Variants in POLR3E observed in about 807,000 individuals in gnomAD.
The protein encoded by POLR3E is DNA-directed RNA polymerase III subunit RPC5.
POLR3E carries 41 observed loss-of-function variants against 96.6 expected under a neutral mutation model. The ratio of observed to expected loss-of-function variants is 0.42; its 90% confidence interval spans 0.33 to 0.55. The LOEUF (loss-of-function observed/expected upper bound fraction) is 0.55. Among genes scored for constraint, POLR3E ranks in the 20% least tolerant of loss-of-function variants. The pLI, the probability that POLR3E is intolerant of heterozygous loss-of-function variation, is 0.06. For missense variants in POLR3E, 849 were observed against 952.1 expected (o/e 0.89, Z 1.43); for synonymous variants, 396 against 383.6 (o/e 1.03, Z -0.38).
intron 6 of POLR3E, among the ~76,000 whole-genome samples, chr16:22,311,162 T>G (rs2048237161): frequency 6.6e-6 from 1 of 152,162 alleles, no homozygotes; most frequent in East Asian, 1.9e-4. Context: ...GAGACAGGGT[T>G]TTTGCCATGT....
At chr16:22,302,874 C>A in intron 1 of POLR3E, 57 bp from the exon 2 acceptor site, 2 of 1,187,204 alleles carry the variant, frequency 1.7e-6, no homozygotes, top group Non-Finnish European at 2.5e-6. Flanking sequence ...GCAGAATAGG[C>A]ACAAGGAAAT....
At chr16:22,314,936 G>A in intron 8 of POLR3E, 153 bp from the exon 9 acceptor site, 1 of 732,660 alleles carries the variant, frequency 1.4e-6, no homozygotes, top group Non-Finnish European at 2.2e-6. Context: ...GAGGGACACG[G>A]TTGGAACGGA....
Position 22,315,154 on chromosome 16 carries a change from G to A in POLR3E, c.588G>A (p.Leu196=). Reference sequence around the variant, plus strand: ...GCCGTGTGCAGTCCTATGAGTTCCTGCAGAAGAAGCACGCAGAGGAGCCCT... The same window carrying A: ...GCCGTGTGCAGTCCTATGAGTTCCTACAGAAGAAGCACGCAGAGGAGCCCT... The part of the protein sequence containing the change: ...RQRRVQSYEF[L]QKKHAEEPWV... Residue 196 remains leucine (L), a synonymous_variant, in exon 9 of 21, where the codon CTG becomes CTA. Transcript: ENST00000299853. The A allele has an allele frequency of 1.9e-6, 3 of 1,611,640 alleles. No homozygotes were observed. The highest frequency in any genetic ancestry group is 2.2e-5 in the South Asian group (2 of 90,442).
rs796549881 is a variant in POLR3E, at chr16:22,323,540, C to T, written c.1068+609C>T. Among the ~76,000 whole-genome samples, 16 of 152,244 alleles carry T rather than the reference C, an allele frequency of 1.1e-4. No individual in the cohort carries two copies. In the South Asian group the frequency reaches 1.2e-3, roughly 12 times the overall value. On this transcript the variant is annotated intron_variant, in intron 14 of 20. Transcript: ENST00000299853. ...AGGAGCTGTCCCACACCCCTTGGCA[C>T]GCTGGTGTGCCGTCCCAGTCACAAG...
rs1210458110 is a variant in POLR3E, at chr16:22,318,207, C to T, written c.866-619C>T. 6.6e-6 allele frequency among the ~76,000 whole-genome samples: 1 copy of T among 152,220 alleles called. No individual in the cohort carries two copies. The highest frequency in any genetic ancestry group is 2.1e-4 in the South Asian group (1 of 4,820). ...CTCCCGGGTTCAAGCAATTCTCATG[C>T]CTCAGCCTCTGGAGTAGCTGGGACT... is the stretch of plus-strand genomic sequence containing the variant. On this transcript the variant is annotated intron_variant, in intron 12 of 20. Transcript: ENST00000299853. The surrounding 1 kb of genome is among the most constrained non-coding windows in gnomAD (Gnocchi z 5.0).
chr16:22,330,852 G>A (rs540715889), intron 19 of POLR3E, among the ~76,000 whole-genome samples: 1 of 152,154 alleles, frequency 6.6e-6, no homozygotes, highest in South Asian at 2.1e-4. Context: ...TCCTCTTAAT[G>A]TTTGCAGAAA....
At chr16:22,317,352 TGGAAAGATAACGCAGGAC>T in intron 12 of POLR3E, 146 bp downstream of exon 12, 1 of 652,594 alleles carries the variant, frequency 1.5e-6, no homozygotes, top group South Asian at 1.8e-5. Flanking sequence ...CATCCTTGTC[TGGAAAGATAACGCAGGAC>T]GGCAGTGCGG....
In POLR3E at chr16:22,334,668, G is replaced by A. The variant is rs2048813643; in HGVS notation, c.*968G>A. On this transcript the variant is annotated 3_prime_UTR_variant, in exon 21 of 21. Transcript: ENST00000299853. ...AAAATATCTAAAACATCAACATAAG[G>A]TAAAAGTCTTCAAAATCTGGCATTT... The A allele has an allele frequency of 6.6e-6, 1 of 152,140 alleles. No individual in the cohort carries two copies. The highest frequency in any genetic ancestry group is 1.5e-5 in the Non-Finnish European group (1 of 68,034). 9.4% of individuals were successfully genotyped at this position (152,140 alleles called of 1,614,324 possible).
At position 22,319,587 on chromosome 16, in the gene POLR3E, G is replaced by T. The variant is rs551861085; in HGVS notation, c.986+641G>T. ...GCTAATTTTTTGTATTTTTAGTAGA[G>T]ATGGGGTTTCACTGTGTTAGCCAAG... is the stretch of plus-strand genomic sequence containing the variant. On this transcript the variant is annotated intron_variant, in intron 13 of 20. Coordinates refer to ENST00000299853, the MANE Select transcript of POLR3E (RefSeq NM_018119.4). Among the ~76,000 whole-genome samples the T allele has an allele frequency of 2.1e-4, 32 of 152,160 alleles. 1 individual carries two copies. In the South Asian group the frequency reaches 6.6e-3, roughly 32 times the overall value.
chr16:22,327,710 G>C (rs565556247), intron 18 of POLR3E: 1 of 152,278 alleles, frequency 6.6e-6, no homozygotes, highest in Non-Finnish European at 1.5e-5. Flanking sequence ...TGAATAGATC[G>C]AGAACTTGAC....
chr16:22,325,876 G>T lies in POLR3E; in HGVS notation c.1464G>T (p.Val488=). ...ELQRRKEQLR[V]PAVPPGVRIK... The stretch of plus-strand genomic sequence containing the variant: ...AGCGGCGGAAGGAGCAGCTGCGGGT[G>T]CCTGCGGTCCCGCCCGGTGTGCGGA... The change falls in exon 18 of 21, where the codon GTG becomes GTT. Residue 488 remains valine, a synonymous_variant. Coordinates refer to ENST00000299853, the MANE Select transcript of POLR3E (RefSeq NM_018119.4). The T allele has an allele frequency of 6.2e-7, 1 of 1,611,048 alleles. No homozygotes were observed. Among genetic ancestry groups the T allele is most frequent in the Non-Finnish European group, 8.5e-7 (1 of 1,178,882 alleles).
At chr16:22,297,936 T>C (rs541166529) in intron 1 of POLR3E, among the ~76,000 whole-genome samples, 9 of 152,304 alleles carry the variant, frequency 5.9e-5, no homozygotes, top group East Asian at 3.9e-4. Flanking sequence ...CAGAAACCCA[T>C]TGGACAGCGA....
intron 2 of POLR3E, among the ~76,000 whole-genome samples, chr16:22,303,423 G>GTGAA (rs1016181818): frequency 1.2e-4 from 18 of 152,136 alleles, no homozygotes; most frequent in South Asian, 2.1e-4. Flanking sequence ...CGACTATTTG[G>GTGAA]TGAATGAATG....
chr16:22,312,992 A>T (rs947425039), intron 6 of POLR3E, among the ~76,000 whole-genome samples: 1 of 152,104 alleles, frequency 6.6e-6, no homozygotes, highest in Non-Finnish European at 1.5e-5. Flanking sequence ...AAGTAGTGTC[A>T]TATAACTCGC....
intron 20 of POLR3E, among the ~76,000 whole-genome samples, chr16:22,332,721 C>A (rs1391775802): frequency 6.6e-6 from 1 of 152,070 alleles, no homozygotes; most frequent in Non-Finnish European, 1.5e-5. Flanking sequence ...TCAGTAGAAT[C>A]CATTCTTAAA....
chr16:22,325,545 G>A (rs1026458287), intron 17 of POLR3E, among the ~76,000 whole-genome samples: 1 of 152,170 alleles, frequency 6.6e-6, no homozygotes, highest in African/African-American at 2.4e-5. Context: ...GGGCCCGGAA[G>A]AGCTGCTGGG....
Position 22,325,888 on chromosome 16 carries a change from G to A in POLR3E, c.1476G>A (p.Pro492=), listed in dbSNP as rs376135857. ...AGCAGCTGCGGGTGCCTGCGGTCCC[G>A]CCCGGTGTGCGGATCAAGGAGGAGC... ...RKEQLRVPAV[P]PGVRIKEEPV... Residue 492 remains proline (P), a synonymous_variant, in exon 18 of 21, where the codon CCG becomes CCA. Coordinates refer to ENST00000299853, the MANE Select transcript of POLR3E (RefSeq NM_018119.4). 8 of 1,608,624 alleles carry A rather than the reference G, an allele frequency of 5.0e-6. No homozygotes were observed. The East Asian group carries it at 6.7e-5, about 14-fold the overall frequency.
rs775578631 is a variant in POLR3E, at chr16:22,322,874, G to A, written c.1011G>A (p.Ser337=). The change falls in exon 14 of 21, where the codon TCG becomes TCA. Residue 337 remains serine, a synonymous_variant. Transcript: ENST00000299853. The surrounding 1 kb of genome is among the most constrained non-coding windows in gnomAD (Gnocchi z 5.2). ...GTGACATCCTATACCCCAAGGACTC[G>A]TCCAGCCCTCACAGCGGCGTGCCTG... ...VKSDILYPKD[S]SSPHSGVPAE... The A allele has an allele frequency of 5.6e-6, 9 of 1,613,372 alleles. No individual in the cohort carries two copies. Among genetic ancestry groups the A allele is most frequent in the South Asian group, 1.1e-5 (1 of 91,042 alleles).
At chr16:22,299,410 CTTTTTTT>C (rs34579812) in intron 1 of POLR3E, among the ~76,000 whole-genome samples, 3 of 117,364 alleles carry the variant, frequency 2.6e-5, no homozygotes, top group Admixed American at 8.5e-5. Context: ...ATATGATTTA[CTTTTTTT>C]TTTTTTTTTT....
Sources: allele counts gnomAD v4.1 joint callset (sites outside exome capture counted in the v4.1 genomes callset), GRCh38; gene constraint gnomAD v4.1.1; non-coding constraint Gnocchi (gnomAD v3.1); transcripts MANE v1.5; gene names NCBI Gene and HGNC (gene_info 2026-07-23, HGNC 2026-07-21).